Variants in GLYATL1 observed in about 807,000 individuals in gnomAD.
The protein encoded by GLYATL1 is glycine-N-acyltransferase like 1, also known as glycine N-acyltransferase-like protein 1.
GLYATL1 carries 15 observed loss-of-function variants against 20.0 expected under a neutral mutation model. That is an observed-to-expected ratio of 0.75 (90% CI 0.50 to 1.15). The LOEUF is 1.15. Among genes scored for constraint, GLYATL1 ranks in the 50% most tolerant of loss-of-function variants. The probability of loss-of-function intolerance (pLI) is 0.00; values close to 1 mark genes in which losing one functional copy is unlikely to be tolerated. For synonymous variants in GLYATL1, 151 were observed against 131.5 expected, an observed-to-expected ratio of 1.15 and a Z score of -1.01; for missense variants, 380 against 368.5, an observed-to-expected ratio of 1.03 and a Z score of -0.26.
At chr11:58,915,088 C>T (rs1855139396) in intron 1 of GLYATL1, among the ~76,000 whole-genome samples, 1 of 152,172 alleles carries the variant, frequency 6.6e-6, no homozygotes. Flanking sequence ...ATTTCTGTTT[C>T]TCTAGCTATC....
chr11:58,907,678 T>G (rs2134639778), exon 2 of GLYATL1: 1 of 196,162 alleles, frequency 5.1e-6, no homozygotes, highest in South Asian at 9.5e-5. Flanking sequence ...AAATACTTCC[T>G]GATTTTTGAC....
chr11:58,910,719 G>A (rs982315111), downstream of GLYATL1, among the ~76,000 whole-genome samples: 10 of 152,262 alleles, frequency 6.6e-5, no homozygotes, highest in South Asian at 2.1e-4. Context: ...TACAAAAAAC[G>A]ATGATAGAAA....
upstream of GLYATL1, among the ~76,000 whole-genome samples, chr11:58,939,282 G>A (rs183897311): frequency 1.9e-3 from 294 of 152,206 alleles, 1 homozygote; most frequent in African/African-American, 6.6e-3. Context: ...TTTCTTCACT[G>A]CTATGAAAAC....
upstream of GLYATL1, among the ~76,000 whole-genome samples, chr11:58,927,259 A>G (rs71486429): frequency 0.029 from 4,445 of 152,356 alleles, 87 homozygotes; most frequent in Non-Finnish European, 0.047. Flanking sequence ...GAGAGATAAC[A>G]GCAGTGGCTA....
rs1413564343 is a variant in GLYATL1, at chr11:58,943,334, G to T, written c.-166-209G>T. 4.5e-6 allele frequency: 7 copies of T among 1,550,612 alleles called. No individual in the cohort carries two copies. In the Admixed American group the frequency reaches 9.8e-5, roughly 22 times the overall value. ...TGTGTTCAAATAAGGCAAGCGCCCA[G>T]TTGTAACCAATCTCTTTGTTTCTGT... On this transcript the variant is annotated intron_variant, in intron 1 of 6. Transcript: ENST00000532726.
chr11:58,947,790 C>T, intron 3 of GLYATL1, 68 bp from the exon 4 acceptor site: 1 of 1,069,736 alleles, frequency 9.3e-7, no homozygotes, highest in Admixed American at 1.7e-5. Context: ...TTTTCTCTTC[C>T]TCTTCACAAC....
chr11:58,948,165 G>A (rs1010587094), intron 4 of GLYATL1, among the ~76,000 whole-genome samples, 200 bp downstream of exon 4: 3 of 152,198 alleles, frequency 2.0e-5, no homozygotes, highest in Non-Finnish European at 2.9e-5. Context: ...CTGGGAAAGG[G>A]GGTGGAGGAG....
At chr11:58,905,545 G>T (rs1413629037) in exon 1 of GLYATL1, 3 of 456,154 alleles carry the variant, frequency 6.6e-6, no homozygotes, top group Non-Finnish European at 1.3e-5. Context: ...GCGCGAAACC[G>T]CCAGGCATCT....
intron 1 of GLYATL1, among the ~76,000 whole-genome samples, chr11:58,915,920 G>A (rs912514339): frequency 4.3e-5 from 5 of 115,460 alleles, no homozygotes; most frequent in African/African-American, 1.0e-4. Context: ...AGAGGGAAAC[G>A]AAACTTGTTA....
chr11:58,952,253 A>G (rs1857046280), intron 4 of GLYATL1, among the ~76,000 whole-genome samples: 1 of 152,144 alleles, frequency 6.6e-6, no homozygotes, highest in African/African-American at 2.4e-5. Context: ...ACACTCATGT[A>G]ATTTTTTTCT....
chr11:58,951,800 G>C (rs937203392), intron 4 of GLYATL1, among the ~76,000 whole-genome samples: 1 of 151,876 alleles, frequency 6.6e-6, no homozygotes, highest in African/African-American at 2.4e-5. Flanking sequence ...TTATATTTCT[G>C]AGCATTATTA....
At chr11:58,935,993 C>A (rs1020238101), upstream of GLYATL1, among the ~76,000 whole-genome samples, 1 of 152,148 alleles carries the variant, frequency 6.6e-6, no homozygotes, top group Non-Finnish European at 1.5e-5. Flanking sequence ...TGGCCTCTTT[C>A]TCCATGAAGT....
upstream of GLYATL1, among the ~76,000 whole-genome samples, chr11:58,925,751 C>A (rs141739980): frequency 7.2e-5 from 11 of 152,290 alleles, no homozygotes; most frequent in Non-Finnish European, 1.0e-4. Context: ...AATTTGTCAT[C>A]TGAATTTAGA....
chr11:58,943,184 C>T lies in GLYATL1; in HGVS notation c.-166-359C>T, dbSNP rs184175941. On this transcript the variant is annotated intron_variant, in intron 1 of 6. Coordinates refer to ENST00000532726, the MANE Select transcript of GLYATL1 (RefSeq NM_001389712.2). ...TTGAGTCCTTGTGGGTAAACTGTAA[C>T]GTAGCTTAATCATCAGACAAAATTG... is the stretch of plus-strand genomic sequence containing the variant. 1.4e-4 allele frequency: 175 copies of T among 1,290,494 alleles called. 2 individuals carry two copies. In the East Asian group the frequency reaches 1.9e-3, roughly 14 times the overall value. 79.9% of individuals were successfully genotyped at this position (1,290,494 alleles called of 1,614,324 possible).
chr11:58,918,227 C>G (rs965163764), intron 1 of GLYATL1, among the ~76,000 whole-genome samples: 3 of 152,188 alleles, frequency 2.0e-5, no homozygotes, highest in Non-Finnish European at 1.5e-5. Context: ...TAGCCAGCAC[C>G]ACTTCTATTA....
At chr11:58,947,997 G>A (rs1175174900) in intron 4 of GLYATL1, 32 bp downstream of exon 4, 1 of 1,484,224 alleles carries the variant, frequency 6.7e-7, no homozygotes, top group Non-Finnish European at 9.4e-7. Context: ...GGTGGAGCCA[G>A]GCAGGTCCAC....
downstream of GLYATL1, among the ~76,000 whole-genome samples, chr11:58,910,540 A>T (rs1424060240): frequency 1.3e-5 from 2 of 152,230 alleles, no homozygotes; most frequent in African/African-American, 4.8e-5. Flanking sequence ...GATGTAGAAC[A>T]TTTCCATCAC....
At chr11:58,915,767 A>G (rs757428326) in intron 1 of GLYATL1, among the ~76,000 whole-genome samples, 1 of 152,212 alleles carries the variant, frequency 6.6e-6, no homozygotes, top group Non-Finnish European at 1.5e-5. Context: ...GGCCATGAGC[A>G]AAGCCCTGCT....
At chr11:58,927,931 A>C (rs1223749244) in intron 1 of GLYATL1, 1 of 152,050 alleles carries the variant, frequency 6.6e-6, no homozygotes, top group Admixed American at 6.6e-5. Flanking sequence ...GCCCCTTTTT[A>C]GGCTTTTCCG....
Sources: gnomAD v4.1 joint callset for allele counts (sites outside exome capture counted in the v4.1 genomes callset) on GRCh38, gnomAD v4.1.1 for gene constraint, MANE v1.5 for transcripts, NCBI Gene and HGNC (gene_info 2026-07-23, HGNC 2026-07-21) for gene names.